Variants in PIP5K1B observed in about 807,000 individuals in gnomAD.
The protein encoded by PIP5K1B is phosphatidylinositol 4-phosphate 5-kinase type-1 beta.
A neutral mutation model predicts 67.0 loss-of-function variants in PIP5K1B; 42 were observed. The observed-to-expected ratio is 0.63, with a 90% CI of 0.49 to 0.81. The LOEUF is 0.81. Among genes scored for constraint, PIP5K1B ranks in the 30% least tolerant of loss-of-function variants. PIP5K1B has a pLI of 0.00. For synonymous variants in PIP5K1B, 214 were observed against 231.4 expected (o/e 0.92, Z 0.68); for missense variants, 459 against 646.3 (o/e 0.71, Z 3.14).
chr9:68,802,180 C>T lies in PIP5K1B; in HGVS notation c.-85-16281C>T, dbSNP rs372551706. On this transcript the variant is annotated intron_variant, in intron 2 of 15. Coordinates refer to ENST00000265382, the MANE Select transcript of PIP5K1B (RefSeq NM_003558.4). ...AGAAAAGATATCTTATGGAAGTATT[C>T]GAAATACTAAATTGATAGCCATCCT... Among the ~76,000 whole-genome samples, 6 of 152,236 alleles carry T rather than the reference C, an allele frequency of 3.9e-5. No individual in the cohort carries two copies. The South Asian group carries it at 8.3e-4, about 21-fold the overall frequency.
chr9:68,864,273 A>G (rs919907045), intron 5 of PIP5K1B, among the ~76,000 whole-genome samples: 1 of 151,760 alleles, frequency 6.6e-6, no homozygotes, highest in South Asian at 2.1e-4. Flanking sequence ...CAGTAATCAC[A>G]GAGTAATGTC....
intron 5 of PIP5K1B, among the ~76,000 whole-genome samples, chr9:68,869,617 G>A (rs1823532303): frequency 6.6e-6 from 1 of 152,216 alleles, no homozygotes; most frequent in Non-Finnish European, 1.5e-5. Flanking sequence ...TGGCTGCAGA[G>A]TTGAGTAATT....
At chr9:68,740,174 C>T (rs1828935928) in intron 1 of PIP5K1B, among the ~76,000 whole-genome samples, 1 of 152,164 alleles carries the variant, frequency 6.6e-6, no homozygotes. Context: ...TGTTTGCATC[C>T]AGTGTCTGAA....
intron 14 of PIP5K1B, among the ~76,000 whole-genome samples, chr9:68,947,037 A>G (rs1260422136): frequency 6.6e-6 from 1 of 152,250 alleles, no homozygotes; most frequent in Non-Finnish European, 1.5e-5. Context: ...GTGATTTGAG[A>G]CACTAATACC....
rs201457834 is a variant in PIP5K1B, at chr9:68,976,323, GA to G, written c.1503-14816del. Among the ~76,000 whole-genome samples, 57 of 152,314 alleles carry G rather than the reference GA, an allele frequency of 3.7e-4. 1 individual carries two copies. The East Asian group carries it at 0.011, about 28-fold the overall frequency. ...CCACTCTGATCTCAAACTTTAGTTAGAGAAGACCAACTAAGGCTAAGAATCA... is the reference window on the plus strand; with the variant it reads ...CCACTCTGATCTCAAACTTTAGTTAGGAAGACCAACTAAGGCTAAGAATCA... On this transcript the variant is annotated intron_variant, in intron 14 of 15. Transcript: ENST00000265382.
intron 14 of PIP5K1B, among the ~76,000 whole-genome samples, chr9:68,984,129 C>T (rs758758243): frequency 3.3e-5 from 5 of 152,160 alleles, no homozygotes; most frequent in Non-Finnish European, 5.9e-5. Flanking sequence ...CAACCCTACT[C>T]GTTCTGTATT....
At chr9:68,805,552 T>G (rs1255003591) in intron 2 of PIP5K1B, among the ~76,000 whole-genome samples, 1 of 152,182 alleles carries the variant, frequency 6.6e-6, no homozygotes, top group Non-Finnish European at 1.5e-5. Context: ...ATGAGGAAAC[T>G]GAGGCACACA....
intron 14 of PIP5K1B, chr9:68,963,076 C>T (rs1828832154): frequency 2.3e-6 from 1 of 436,316 alleles, no homozygotes; most frequent in South Asian, 1.6e-5. Context: ...TAGATTATTA[C>T]TCATAATAAC....
At chr9:68,954,705 G>A (rs944186249) in intron 14 of PIP5K1B, among the ~76,000 whole-genome samples, 1 of 152,176 alleles carries the variant, frequency 6.6e-6, no homozygotes, top group African/African-American at 2.4e-5. Flanking sequence ...CATGAGAGAG[G>A]ACTAGCGAAA....
intron 14 of PIP5K1B, among the ~76,000 whole-genome samples, chr9:68,988,130 AG>A (rs1417278481): frequency 6.6e-6 from 1 of 152,182 alleles, no homozygotes; most frequent in Non-Finnish European, 1.5e-5. Context: ...CAAACAGTTC[AG>A]GGAAAAAATG....
At chr9:68,976,380 A>G (rs1370388102) in intron 14 of PIP5K1B, among the ~76,000 whole-genome samples, 1 of 152,220 alleles carries the variant, frequency 6.6e-6, no homozygotes, top group Non-Finnish European at 1.5e-5. Flanking sequence ...GACCTGATCA[A>G]ATCCAAACTC....
intron 14 of PIP5K1B, among the ~76,000 whole-genome samples, chr9:68,984,464 C>T (rs1830017415): frequency 6.6e-6 from 1 of 152,278 alleles, no homozygotes; most frequent in East Asian, 1.9e-4. Context: ...GGTTATGTAG[C>T]TTACACTCAA....
At chr9:68,740,769 G>A (rs2132315386) in intron 1 of PIP5K1B, among the ~76,000 whole-genome samples, 1 of 152,336 alleles carries the variant, frequency 6.6e-6, no homozygotes, top group Non-Finnish European at 1.5e-5. Context: ...TCCTTATGAA[G>A]TTCATTAGTC....
chr9:68,847,202 C>T (rs572897074), intron 4 of PIP5K1B, among the ~76,000 whole-genome samples: 3 of 151,928 alleles, frequency 2.0e-5, no homozygotes, highest in East Asian at 3.9e-4. Context: ...TAGCTAAATA[C>T]ATTCTTCTTT....
intron 2 of PIP5K1B, among the ~76,000 whole-genome samples, chr9:68,753,610 C>T (rs1829758307): frequency 6.7e-6 from 1 of 148,750 alleles, no homozygotes; most frequent in Non-Finnish European, 1.5e-5. Context: ...CTGCAAGCTC[C>T]ACCTCCTGGG....
chr9:68,905,304 C>T (rs1825554969), intron 8 of PIP5K1B, among the ~76,000 whole-genome samples: 1 of 152,138 alleles, frequency 6.6e-6, no homozygotes, highest in African/African-American at 2.4e-5. Flanking sequence ...ATGGTAGCAA[C>T]TCTGGCTTTG....
At chr9:68,811,478 C>T (rs1833163146) in intron 2 of PIP5K1B, among the ~76,000 whole-genome samples, 1 of 152,062 alleles carries the variant, frequency 6.6e-6, no homozygotes. Flanking sequence ...ATGTTCTCCC[C>T]CAACCTGTGT....
intron 2 of PIP5K1B, among the ~76,000 whole-genome samples, chr9:68,747,691 T>C (rs917009968): frequency 2.0e-5 from 3 of 152,168 alleles, no homozygotes; most frequent in Admixed American, 2.0e-4. Flanking sequence ...AATTTTAAAA[T>C]TGTAGATTTG....
At chr9:68,781,179 C>T (rs941195850) in intron 2 of PIP5K1B, 34 of 1,056,378 alleles carry the variant, frequency 3.2e-5, no homozygotes, top group East Asian at 1.7e-4. Context: ...TTCTAGAGAA[C>T]TTCTATGTCA....
Sources: gnomAD v4.1 joint callset for allele counts (sites outside exome capture counted in the v4.1 genomes callset) on GRCh38, gnomAD v4.1.1 for gene constraint, MANE v1.5 for transcripts, NCBI Gene and HGNC (gene_info 2026-07-23, HGNC 2026-07-21) for gene names.